The following PRKCQ variants were observed in gnomAD, a reference collection of about 807,000 sequenced individuals.
PRKCQ encodes the protein protein kinase C theta type.
Under a neutral mutation model 91.2 loss-of-function variants are expected in PRKCQ, and 41 were observed. The observed-to-expected ratio is 0.45, with a 90% confidence interval of 0.35 to 0.58. PRKCQ has a LOEUF of 0.58. PRKCQ is among the 20% of genes least tolerant of loss of function. The pLI, the probability that PRKCQ is intolerant of heterozygous loss-of-function variation, is 0.00. For missense variants in PRKCQ, 673 were observed against 896.5 expected (o/e 0.75, Z 3.18); for synonymous variants, 307 against 316.9 (o/e 0.97, Z 0.33).
chr10:6,464,985 G>C (rs630516), intron 12 of PRKCQ, among the ~76,000 whole-genome samples: 72,860 of 151,908 alleles, frequency 0.48, 17,898 homozygotes, highest in South Asian at 0.61. Context: ...GGGGCACAAG[G>C]GAGAGTCCAG....
At chr10:6,421,888 T>C in the PRKCQ span, among the ~76,000 whole-genome samples, 8 of 152,344 alleles carry the variant, frequency 5.3e-5, no homozygotes, top group East Asian at 1.5e-3. This position sits in a 1 kb window ranked among gnomAD's most constrained non-coding sequence, Gnocchi z 4.1. Context: ...TTAAGACACA[T>C]TGACATGGAG....
intron 11 of PRKCQ, among the ~76,000 whole-genome samples, chr10:6,480,955 G>C (rs948297189): frequency 2.6e-5 from 4 of 152,330 alleles, no homozygotes; most frequent in South Asian, 4.1e-4. Flanking sequence ...ATTTGTTTGA[G>C]AACAAGGGTA....
chr10:6,501,011 C>G (rs932232014), intron 4 of PRKCQ, among the ~76,000 whole-genome samples: 13 of 151,932 alleles, frequency 8.6e-5, no homozygotes, highest in African/African-American at 3.1e-4. Flanking sequence ...CAAGAAGAGG[C>G]AGCTGAAAAA....
At chr10:6,508,821 A>T (rs1838327234) in intron 3 of PRKCQ, among the ~76,000 whole-genome samples, 1 of 152,228 alleles carries the variant, frequency 6.6e-6, no homozygotes, top group South Asian at 2.1e-4. Context: ...AACAGCACCC[A>T]TAGAAAGCCA....
chr10:6,429,581 G>A (rs1356279616), intron 17 of PRKCQ, among the ~76,000 whole-genome samples: 8 of 152,214 alleles, frequency 5.3e-5, no homozygotes, highest in East Asian at 1.9e-4. Context: ...CCTTCAGCAC[G>A]GATATGGCCC....
chr10:6,395,304 T>C, the PRKCQ span, among the ~76,000 whole-genome samples: 1 of 149,104 alleles, frequency 6.7e-6, no homozygotes, highest in East Asian at 1.9e-4. Context: ...GACCTCGTGA[T>C]CCGCTCACCT....
chr10:6,458,460 G>C (rs904927622), intron 14 of PRKCQ, among the ~76,000 whole-genome samples: 11 of 152,142 alleles, frequency 7.2e-5, no homozygotes, highest in African/African-American at 2.7e-4. Context: ...CACAGCCTGT[G>C]CATGTCTCTG....
At chr10:6,434,027 C>T (rs1833556530) in intron 16 of PRKCQ, among the ~76,000 whole-genome samples, 1 of 72,054 alleles carries the variant, frequency 1.4e-5, no homozygotes, top group South Asian at 6.3e-4. Flanking sequence ...GAGCAAGACT[C>T]CTTAAAAAAA....
At chr10:6,443,723 C>T (rs1834091463) in intron 15 of PRKCQ, among the ~76,000 whole-genome samples, 1 of 152,182 alleles carries the variant, frequency 6.6e-6, no homozygotes. Flanking sequence ...ATTATTCAGC[C>T]TTCAAGGTGA....
intron 13 of PRKCQ, among the ~76,000 whole-genome samples, chr10:6,463,878 G>A (rs1190353904): frequency 6.6e-6 from 1 of 152,164 alleles, no homozygotes; most frequent in African/African-American, 2.4e-5. Flanking sequence ...CTAGGAAGGA[G>A]AAGCTTTGTT....
the PRKCQ span, among the ~76,000 whole-genome samples, chr10:6,410,885 G>A: frequency 8.0e-5 from 12 of 150,660 alleles, no homozygotes. Context: ...GCTGAGGCAC[G>A]AGAATCGCTT....
intron 1 of PRKCQ, among the ~76,000 whole-genome samples, chr10:6,524,830 C>T (rs1044149282): frequency 6.6e-6 from 1 of 152,210 alleles, no homozygotes; most frequent in Non-Finnish European, 1.5e-5. Flanking sequence ...CCAGCTGGCC[C>T]ACCTCCCTCT....
At chr10:6,485,361 A>G in intron 9 of PRKCQ, 92 bp from the exon 10 acceptor site, 2 of 937,120 alleles carry the variant, frequency 2.1e-6, no homozygotes, top group Non-Finnish European at 3.5e-6. Context: ...GCCATTTAAA[A>G]TGTTTAAATG....
chr10:6,561,304 G>A (rs1840623374), intron 1 of PRKCQ, among the ~76,000 whole-genome samples: 1 of 146,844 alleles, frequency 6.8e-6, no homozygotes, highest in African/African-American at 2.6e-5. Context: ...CCTGGGAGGT[G>A]CAGCCTACAT....
At chr10:6,442,269 G>T (rs1834008169) in intron 15 of PRKCQ, among the ~76,000 whole-genome samples, 188 bp from the exon 16 acceptor site, 1 of 152,160 alleles carries the variant, frequency 6.6e-6, no homozygotes, top group Admixed American at 6.5e-5. Context: ...TGAAATTTTT[G>T]AGTTTGAGTC....
chr10:6,408,046 GTTTTTTTTTTTTT>G, the PRKCQ span, among the ~76,000 whole-genome samples: 8 of 84,228 alleles, frequency 9.5e-5, no homozygotes, highest in Non-Finnish European at 4.2e-5. Flanking sequence ...TCTTGTGTCA[GTTTTTTTTTTTTT>G]TTTTTTTTTT....
intron 1 of PRKCQ, among the ~76,000 whole-genome samples, chr10:6,535,387 A>G (rs569891298): frequency 6.6e-6 from 1 of 152,322 alleles, no homozygotes; most frequent in South Asian, 2.1e-4. Flanking sequence ...CTTTACTAAT[A>G]AGTTATTTGT....
At chr10:6,510,021 T>C (rs1292822815) in intron 3 of PRKCQ, among the ~76,000 whole-genome samples, 3 of 152,184 alleles carry the variant, frequency 2.0e-5, no homozygotes, top group African/African-American at 7.2e-5. Context: ...GAAAATCTTT[T>C]GGGTGGATTT....
At chr10:6,495,656 T>C (rs1014586991) in intron 7 of PRKCQ, among the ~76,000 whole-genome samples, 4 of 152,206 alleles carry the variant, frequency 2.6e-5, no homozygotes, top group Non-Finnish European at 5.9e-5. Flanking sequence ...TTTTGTGTTA[T>C]GCTGTCATTG....
Sources: gnomAD v4.1 joint callset for allele counts (sites outside exome capture counted in the v4.1 genomes callset) on GRCh38, gnomAD v4.1.1 for gene constraint, Gnocchi (gnomAD v3.1) non-coding constraint, MANE v1.5 for transcripts, NCBI Gene and HGNC (gene_info 2026-07-23, HGNC 2026-07-21) for gene names.